Variants in DNAH3 observed in about 807,000 individuals in gnomAD.
DNAH3 encodes axonemal beta dynein heavy chain 3.
Under a neutral mutation model 432.5 loss-of-function variants are expected in DNAH3, and 332 were observed. The ratio of observed to expected loss-of-function variants is 0.77; its 90% CI spans 0.70 to 0.84. DNAH3 has a LOEUF of 0.84. DNAH3 is among the 40% of genes least tolerant of loss of function. The pLI, the probability that DNAH3 is intolerant of heterozygous loss-of-function variation, is 0.00. For synonymous variants in DNAH3, 1,956 were observed against 1,900.2 expected, an observed-to-expected ratio of 1.03 and a Z score of -0.76; for missense variants, 4,861 against 5,114.0, an observed-to-expected ratio of 0.95 and a Z score of 1.51.
intron 3 of DNAH3, among the ~76,000 whole-genome samples, chr16:21,141,582 C>T (rs2092720160): frequency 6.6e-6 from 1 of 152,190 alleles, no homozygotes; most frequent in South Asian, 2.1e-4. Flanking sequence ...TCACTCCGGA[C>T]CTCAGCTTCC....
At chr16:21,081,121 G>A (rs1197172435) in intron 20 of DNAH3, among the ~76,000 whole-genome samples, 1 of 152,002 alleles carries the variant, frequency 6.6e-6, no homozygotes, top group Non-Finnish European at 1.5e-5. Flanking sequence ...GTTTCACTAT[G>A]TTGGCCAGGC....
chr16:21,140,016 C>T (rs943314185), intron 5 of DNAH3, among the ~76,000 whole-genome samples: 1 of 151,302 alleles, frequency 6.6e-6, no homozygotes, highest in African/African-American at 2.4e-5. Flanking sequence ...AACTCCTGAC[C>T]TCAAGTGATC....
At chr16:21,081,560 G>A (rs2091186544) in intron 20 of DNAH3, 76 bp downstream of exon 20, 2 of 1,233,958 alleles carry the variant, frequency 1.6e-6, no homozygotes, top group Admixed American at 1.9e-5. Flanking sequence ...GCCCGATATG[G>A]AGCCAATCAG....
chr16:20,963,751 G>T (rs150659278), exon 53 of DNAH3: 1 of 1,614,032 alleles, frequency 6.2e-7, no homozygotes, highest in Admixed American at 1.7e-5. Flanking sequence ...GATGCCGATG[G>T]TCAGGAGGAG....
At chr16:21,159,344 T>G in exon 1 of DNAH3, 1 of 1,614,076 alleles carries the variant, frequency 6.2e-7, no homozygotes. Context: ...ACTCCCTTCC[T>G]CCTCTCCTTG....
intron 24 of DNAH3, among the ~76,000 whole-genome samples, chr16:21,065,187 G>A (rs984467924): frequency 6.6e-6 from 1 of 151,892 alleles, no homozygotes. Context: ...TTGAGAGAGA[G>A]TCTCGCTCTG....
intron 56 of DNAH3, 42 bp from the exon 57 acceptor site, chr16:20,948,679 G>C (rs756994841): frequency 6.2e-7 from 1 of 1,606,930 alleles, no homozygotes; most frequent in African/African-American, 1.3e-5. Context: ...CCCAGGGAAG[G>C]TCATCACGAG....
At chr16:21,158,125 G>T (rs747505494) in intron 1 of DNAH3, among the ~76,000 whole-genome samples, 3 of 152,194 alleles carry the variant, frequency 2.0e-5, no homozygotes, top group Non-Finnish European at 4.4e-5. Flanking sequence ...GAGGAATTTG[G>T]ATTGATTTAT....
intron 20 of DNAH3, among the ~76,000 whole-genome samples, chr16:21,077,900 A>G (rs1429248808): frequency 1.3e-5 from 2 of 152,088 alleles, no homozygotes; most frequent in Admixed American, 1.3e-4. Context: ...ATTGACACCA[A>G]TTCCTCCTAA....
chr16:20,965,571 T>G, intron 52 of DNAH3, 146 bp from the exon 53 acceptor site: 1 of 624,246 alleles, frequency 1.6e-6, no homozygotes, highest in African/African-American at 1.8e-5. Context: ...ACCCCATCTC[T>G]GCCTTGCTCC....
exon 53 of DNAH3, chr16:20,964,163 T>C: frequency 1.2e-6 from 2 of 1,614,198 alleles, no homozygotes; most frequent in African/African-American, 1.3e-5. Flanking sequence ...TCCAAGATCT[T>C]ATCTTCAATT....
At chr16:21,016,815 T>C (rs2087880145) in intron 41 of DNAH3, among the ~76,000 whole-genome samples, 1 of 152,202 alleles carries the variant, frequency 6.6e-6, no homozygotes, top group African/African-American at 2.4e-5. Flanking sequence ...AAATGGAATA[T>C]ATTCAGCCTT....
intron 48 of DNAH3, among the ~76,000 whole-genome samples, chr16:20,984,071 G>C (rs926435630): frequency 6.7e-6 from 1 of 148,848 alleles, no homozygotes; most frequent in South Asian, 2.1e-4. Flanking sequence ...GGTTTGAAAA[G>C]ATGAAGGTGG....
chr16:20,951,075 A>C (rs2084288751), intron 56 of DNAH3, among the ~76,000 whole-genome samples: 2 of 152,122 alleles, frequency 1.3e-5, no homozygotes, highest in Non-Finnish European at 2.9e-5. Context: ...TGGCCTCCAA[A>C]AGTGCTGGGA....
intron 44 of DNAH3, among the ~76,000 whole-genome samples, chr16:20,990,050 A>C (rs947017319): frequency 2.6e-5 from 4 of 152,200 alleles, no homozygotes; most frequent in Non-Finnish European, 5.9e-5. Context: ...AAGCTGAGGG[A>C]GTGGGCTCCG....
intron 53 of DNAH3, among the ~76,000 whole-genome samples, chr16:20,961,361 A>G (rs1017598716): frequency 1.3e-5 from 2 of 152,012 alleles, no homozygotes; most frequent in Admixed American, 1.3e-4. Context: ...GCGGGGAGGG[A>G]GAAAGGATAG....
chr16:21,088,631 C>T (rs1314374438), intron 18 of DNAH3, among the ~76,000 whole-genome samples: 1 of 152,206 alleles, frequency 6.6e-6, no homozygotes, highest in Non-Finnish European at 1.5e-5. Flanking sequence ...GGTAGCTTCT[C>T]ACCTCATAGC....
chr16:21,040,332 A>T (rs1236367161), intron 32 of DNAH3, among the ~76,000 whole-genome samples: 2 of 146,502 alleles, frequency 1.4e-5, no homozygotes, highest in Admixed American at 1.4e-4. Flanking sequence ...ACCAATATGC[A>T]TCAGAAGAAT....
chr16:21,139,905 G>T (rs532469277), intron 5 of DNAH3, among the ~76,000 whole-genome samples: 1 of 149,404 alleles, frequency 6.7e-6, no homozygotes, highest in African/African-American at 2.5e-5. Flanking sequence ...TCAGCCTCCC[G>T]AGTAGCTGAA....
Sources: allele counts gnomAD v4.1 joint callset (sites outside exome capture counted in the v4.1 genomes callset), GRCh38; gene constraint gnomAD v4.1.1; transcripts MANE v1.5; gene names NCBI Gene and HGNC (gene_info 2026-07-23, HGNC 2026-07-21).